Variants in ZEB2 observed in about 807,000 individuals in gnomAD.
ZEB2 encodes the protein zinc finger E-box binding homeobox 2, also known as zinc finger E-box-binding homeobox 2.
Under a neutral mutation model 99.9 loss-of-function variants are expected in ZEB2, and 6 were observed. The ratio of observed to expected loss-of-function variants is 0.06; its 90% confidence interval spans 0.03 to 0.12. The LOEUF (loss-of-function observed/expected upper bound fraction) is 0.12, where lower values mean the gene tolerates loss of function less well. Among genes scored for constraint, ZEB2 ranks in the 10% least tolerant of loss-of-function variants. The probability of loss-of-function intolerance (pLI) is 1.00; values close to 1 mark genes in which losing one functional copy is unlikely to be tolerated. For missense variants in ZEB2, 969 were observed against 1,502.8 expected (o/e 0.64, Z 5.87); for synonymous variants, 517 against 542.5 (o/e 0.95, Z 0.65).
intron 4 of ZEB2, among the ~76,000 whole-genome samples, chr2:144,406,429 TA>T (rs1290121895): frequency 2.0e-5 from 3 of 152,072 alleles, no homozygotes; most frequent in African/African-American, 7.2e-5. Flanking sequence ...TATGGTGGTA[TA>T]AAAAAAGTAA....
intron 2 of ZEB2, among the ~76,000 whole-genome samples, chr2:144,452,841 CA>C (rs1338966390): frequency 6.6e-6 from 1 of 152,136 alleles, no homozygotes; most frequent in Non-Finnish European, 1.5e-5. Context: ...TACGTGGGGA[CA>C]GGGGGGCTGG....
At chr2:144,512,102 C>T in intron 2 of ZEB2, 2 of 1,287,096 alleles carry the variant, frequency 1.6e-6, no homozygotes, top group Non-Finnish European at 1.0e-6. Flanking sequence ...CAGTGGACAC[C>T]CCAGCACCAT....
intron 4 of ZEB2, among the ~76,000 whole-genome samples, chr2:144,407,470 T>A (rs1703402971): frequency 6.6e-6 from 1 of 152,244 alleles, no homozygotes; most frequent in Non-Finnish European, 1.5e-5. Flanking sequence ...TTCACTTGCA[T>A]CACTGAGCCC....
chr2:144,519,591 G>A (rs767336174), intron 1 of ZEB2: 19 of 198,142 alleles, frequency 9.6e-5, no homozygotes, highest in Non-Finnish European at 1.4e-4. Context: ...CCCTTGATGA[G>A]TTTTTATTCC....
chr2:144,450,984 A>AT (rs1051177780), intron 2 of ZEB2, among the ~76,000 whole-genome samples: 1 of 151,958 alleles, frequency 6.6e-6, no homozygotes, highest in African/African-American at 2.4e-5. Context: ...AGCCTGGTTT[A>AT]TTTTTTTTAA....
chr2:144,396,658 TA>T, intron 8 of ZEB2, 66 bp from the exon 9 acceptor site: 1 of 1,546,924 alleles, frequency 6.5e-7, no homozygotes, highest in African/African-American at 1.4e-5. Context: ...CAACTTCACA[TA>T]GGGGGACATT....
chr2:144,459,221 C>T (rs79319398), intron 2 of ZEB2, among the ~76,000 whole-genome samples: 2,321 of 152,028 alleles, frequency 0.015, 57 homozygotes, highest in African/African-American at 0.053. Context: ...TGCTTTAATC[C>T]CTGGCTTCTT....
chr2:144,391,335 T>G (rs944079497), intron 9 of ZEB2, among the ~76,000 whole-genome samples: 7 of 152,186 alleles, frequency 4.6e-5, no homozygotes, highest in Non-Finnish European at 1.5e-5. Flanking sequence ...TGTAGTAAGG[T>G]ATAATATTAG....
chr2:144,408,816 C>A (rs1025873440), intron 4 of ZEB2, among the ~76,000 whole-genome samples: 15 of 152,308 alleles, frequency 9.8e-5, no homozygotes, highest in African/African-American at 3.4e-4. Context: ...GTGAGCCAAT[C>A]TCAGTCCTCT....
In ZEB2 at chr2:144,396,523, G is replaced by C. The variant is rs1703231649; in HGVS notation, c.2956C>G (p.Leu986Val). Residue 986 changes from leucine (L) to valine (V), a missense_variant, in exon 9 of 10, where the codon CTG becomes GTG. Coordinates refer to ENST00000627532, the MANE Select transcript of ZEB2 (RefSeq NM_014795.4). ...GTCTTCTTGATCTTTTTGCGAGACA[G>C]ACAGGAGTCGGAGTCTGTCATATCA... ...LDDMTDSDSC[L>V]SRKKIKKTES... 6.2e-7 allele frequency: 1 copy of C among 1,613,986 alleles called. No individual in the cohort carries two copies. The highest frequency in any genetic ancestry group is 1.1e-5 in the South Asian group (1 of 91,088).
intron 2 of ZEB2, among the ~76,000 whole-genome samples, chr2:144,467,842 C>G (rs764112395): frequency 2.0e-5 from 3 of 152,132 alleles, no homozygotes; most frequent in Non-Finnish European, 4.4e-5. Context: ...AGTCTTGCCC[C>G]CTTTCCTACA....
chr2:144,395,026 C>T (rs1231520945), intron 9 of ZEB2, among the ~76,000 whole-genome samples: 1 of 128,658 alleles, frequency 7.8e-6, no homozygotes, highest in Non-Finnish European at 1.6e-5. Context: ...GATAGGGTCT[C>T]ACTCTGTTGC....
At chr2:144,512,068 G>T in intron 2 of ZEB2, 1 of 1,287,198 alleles carries the variant, frequency 7.8e-7, no homozygotes, top group Non-Finnish European at 1.0e-6. Context: ...TTGCCCCCTT[G>T]TGGGAATGCG....
intron 2 of ZEB2, among the ~76,000 whole-genome samples, chr2:144,452,717 T>A (rs1378945298): frequency 2.0e-5 from 3 of 152,090 alleles, no homozygotes; most frequent in Non-Finnish European, 4.4e-5. Flanking sequence ...TTGTTTTTCC[T>A]TCCAGCCTTT....
Position 144,517,401 on chromosome 2 carries a change from G to T in ZEB2, c.-51C>A, listed in dbSNP as rs1405443007. ...TCGCATGGACTCGGCGCCCTGCTTC[G>T]GCAGCACGCAGGCTCGATCTAGCAA... On this transcript the variant is annotated 5_prime_UTR_variant, in exon 2 of 10. Coordinates refer to ENST00000627532, the MANE Select transcript of ZEB2 (RefSeq NM_014795.4). The T allele has an allele frequency of 1.9e-6, 3 of 1,601,478 alleles. No homozygotes were observed. The highest frequency in any genetic ancestry group is 2.6e-6 in the Non-Finnish European group (3 of 1,169,314).
intron 9 of ZEB2, among the ~76,000 whole-genome samples, chr2:144,395,602 ATTGTT>A (rs749610793): frequency 7.9e-5 from 12 of 152,006 alleles, no homozygotes; most frequent in Non-Finnish European, 1.8e-4. Flanking sequence ...CAGCTACCTT[ATTGTT>A]CAGGGAGGTG....
chr2:144,443,342 C>T (rs946931375), intron 2 of ZEB2, among the ~76,000 whole-genome samples: 3 of 152,100 alleles, frequency 2.0e-5, no homozygotes, highest in Non-Finnish European at 4.4e-5. Flanking sequence ...AAATAAATTA[C>T]TTTCACTAAG....
At chr2:144,402,205 G>GA (rs1311518292) in intron 6 of ZEB2, among the ~76,000 whole-genome samples, 3 of 151,878 alleles carry the variant, frequency 2.0e-5, no homozygotes, top group South Asian at 2.1e-4. Context: ...TAGAATTCTG[G>GA]AAAAAAAATG....
At chr2:144,421,933 G>T (rs1703624264) in intron 4 of ZEB2, among the ~76,000 whole-genome samples, 1 of 152,100 alleles carries the variant, frequency 6.6e-6, no homozygotes, top group South Asian at 2.1e-4. Flanking sequence ...CTAAAGGCTG[G>T]TTCAAGATCT....
Sources: gnomAD v4.1 joint callset for allele counts (sites outside exome capture counted in the v4.1 genomes callset) on GRCh38, gnomAD v4.1.1 for gene constraint, MANE v1.5 for transcripts, NCBI Gene and HGNC (gene_info 2026-07-23, HGNC 2026-07-21) for gene names.